The following CDH11 variants were observed in gnomAD, a reference collection of about 807,000 sequenced individuals.
CDH11 encodes cadherin-11.
Under a neutral mutation model 67.8 loss-of-function variants are expected in CDH11, and 11 were observed. The ratio of observed to expected loss-of-function variants is 0.16; its 90% confidence interval spans 0.10 to 0.27. The LOEUF (loss-of-function observed/expected upper bound fraction) is 0.27, where lower values mean the gene tolerates loss of function less well. Among genes scored for constraint, CDH11 ranks in the 10% least tolerant of loss-of-function variants. The pLI is 1.00. For synonymous variants in CDH11, 419 were observed against 400.0 expected, an observed-to-expected ratio of 1.05 and a Z score of -0.57; for missense variants, 847 against 1,031.2, an observed-to-expected ratio of 0.82 and a Z score of 2.45.
chr16:65,015,647 T>G (rs1036559763), intron 2 of CDH11, among the ~76,000 whole-genome samples: 16 of 152,120 alleles, frequency 1.1e-4, no homozygotes, highest in Admixed American at 9.8e-4. Context: ...AATAAAGCAC[T>G]CATAAGTAAT....
intron 3 of CDH11, among the ~76,000 whole-genome samples, chr16:65,001,171 A>C (rs1473551407): frequency 1.3e-5 from 2 of 152,200 alleles, no homozygotes; most frequent in Non-Finnish European, 1.5e-5. Flanking sequence ...GGTATGAATT[A>C]CAAAGACCAT....
At chr16:64,950,616 A>ACCCC in intron 12 of CDH11, 151 bp downstream of exon 12, 1 of 122,630 alleles carries the variant, frequency 8.2e-6, no homozygotes, top group Admixed American at 1.8e-4. Flanking sequence ...CACAACGCCC[A>ACCCC]CCCCGCCCCC....
At chr16:64,973,857 T>C (rs2072082209) in intron 8 of CDH11, among the ~76,000 whole-genome samples, 1 of 151,986 alleles carries the variant, frequency 6.6e-6, no homozygotes, top group African/African-American at 2.4e-5. Context: ...AGTAAATCTG[T>C]TTAGTTCATT....
chr16:65,122,807 C>T (rs1365116706), upstream of CDH11, among the ~76,000 whole-genome samples: 1 of 152,244 alleles, frequency 6.6e-6, no homozygotes, highest in East Asian at 2.0e-4. Context: ...GAGGGGTGCG[C>T]GGGGAGCGCT....
chr16:65,057,194 C>T (rs1201914373), intron 1 of CDH11, among the ~76,000 whole-genome samples: 2 of 152,196 alleles, frequency 1.3e-5, no homozygotes, highest in East Asian at 1.9e-4. Flanking sequence ...CATTTTCCTT[C>T]ATCTTCCCCA....
chr16:65,095,524 G>C (rs1453665731), intron 1 of CDH11, among the ~76,000 whole-genome samples: 2 of 152,168 alleles, frequency 1.3e-5, no homozygotes, highest in Non-Finnish European at 2.9e-5. Flanking sequence ...AAGGTATTCA[G>C]TGGATGTAAT....
At chr16:65,011,993 G>T (rs2073193831) in intron 2 of CDH11, among the ~76,000 whole-genome samples, 1 of 152,016 alleles carries the variant, frequency 6.6e-6, no homozygotes, top group South Asian at 2.1e-4. Context: ...CTTTTCAATG[G>T]CTCTAGGCCT....
chr16:65,028,943 G>C (rs1191186882), intron 2 of CDH11, among the ~76,000 whole-genome samples: 3 of 152,098 alleles, frequency 2.0e-5, no homozygotes, highest in Non-Finnish European at 4.4e-5. Flanking sequence ...GGAAAATAGG[G>C]AGTTCTTTAT....
intron 1 of CDH11, among the ~76,000 whole-genome samples, chr16:65,108,626 A>G (rs1189553968): frequency 6.6e-6 from 1 of 151,948 alleles, no homozygotes; most frequent in Non-Finnish European, 1.5e-5. Context: ...CTTCACCCTG[A>G]TTTTCAATTT....
intron 7 of CDH11, chr16:64,987,436 T>A (rs541803439): frequency 1.3e-5 from 2 of 152,304 alleles, no homozygotes; most frequent in South Asian, 4.1e-4. Context: ...TCTTTGCCCA[T>A]TGGGATAACA....
intron 8 of CDH11, among the ~76,000 whole-genome samples, chr16:64,973,396 A>C (rs2142431604): frequency 6.6e-6 from 1 of 152,354 alleles, no homozygotes; most frequent in East Asian, 1.9e-4. Flanking sequence ...CTACTCAGAA[A>C]GTCACAAATG....
intron 11 of CDH11, among the ~76,000 whole-genome samples, chr16:64,964,760 G>C (rs1459760622): frequency 6.6e-6 from 1 of 151,976 alleles, no homozygotes; most frequent in Non-Finnish European, 1.5e-5. Flanking sequence ...ATGTTAGCCA[G>C]GATGGTCTCG....
intron 1 of CDH11, among the ~76,000 whole-genome samples, chr16:65,115,895 C>G (rs1012871189): frequency 6.6e-6 from 1 of 152,038 alleles, no homozygotes; most frequent in Admixed American, 6.6e-5. Flanking sequence ...GAGCTGCGAT[C>G]ACAACACTGC....
upstream of CDH11, chr16:65,122,272 C>T (rs936246817): frequency 2.5e-6 from 1 of 397,534 alleles, no homozygotes; most frequent in South Asian, 2.5e-5. Flanking sequence ...GCCCCTCCCC[C>T]CAGGGGCCCA....
chr16:64,974,487 T>C (rs983743384), intron 8 of CDH11, among the ~76,000 whole-genome samples: 2 of 152,120 alleles, frequency 1.3e-5, no homozygotes, highest in Non-Finnish European at 2.9e-5. Context: ...AGAGACAATA[T>C]TGGAAGCCAG....
At chr16:65,068,799 A>C (rs953928261) in intron 1 of CDH11, among the ~76,000 whole-genome samples, 38 of 152,196 alleles carry the variant, frequency 2.5e-4, no homozygotes, top group African/African-American at 9.2e-4. Context: ...TTTGTCTCTC[A>C]GTTAAATGCC....
intron 1 of CDH11, among the ~76,000 whole-genome samples, chr16:65,082,568 A>G (rs1381788969): frequency 6.6e-6 from 1 of 152,176 alleles, no homozygotes. Flanking sequence ...GATTCAACTG[A>G]CTTCCCAGAA....
intron 1 of CDH11, among the ~76,000 whole-genome samples, chr16:65,073,202 T>C (rs1350135048): frequency 6.6e-6 from 1 of 152,166 alleles, no homozygotes; most frequent in African/African-American, 2.4e-5. Flanking sequence ...CTAGACCCCA[T>C]AAGCTTCCCC....
intron 6 of CDH11, among the ~76,000 whole-genome samples, chr16:64,990,186 G>C (rs1322591268): frequency 6.6e-6 from 1 of 152,178 alleles, no homozygotes; most frequent in Non-Finnish European, 1.5e-5. Flanking sequence ...AGTAAAGGCT[G>C]CCTGCTAATA....
Sources: allele counts gnomAD v4.1 joint callset (sites outside exome capture counted in the v4.1 genomes callset), GRCh38; gene constraint gnomAD v4.1.1; transcripts MANE v1.5; gene names NCBI Gene and HGNC (gene_info 2026-07-23, HGNC 2026-07-21).